HOMER2: variants seen among roughly 807,000 people sequenced by gnomAD.
HOMER2 encodes the protein homer scaffold protein 2, also known as homer protein homolog 2.
Under a neutral mutation model 47.0 loss-of-function variants are expected in HOMER2, and 27 were observed. That is an observed-to-expected ratio of 0.57 (90% confidence interval 0.42 to 0.79). The LOEUF is 0.79. Among genes scored for constraint, HOMER2 ranks in the 30% least tolerant of loss-of-function variants. The pLI is 0.00. For synonymous variants in HOMER2, 161 were observed against 163.8 expected, an observed-to-expected ratio of 0.98 and a Z score of 0.13; for missense variants, 443 against 435.0, an observed-to-expected ratio of 1.02 and a Z score of -0.16.
At chr15:82,889,948 C>G (rs1198006259) in intron 2 of HOMER2, among the ~76,000 whole-genome samples, 1 of 152,152 alleles carries the variant, frequency 6.6e-6, no homozygotes, top group Non-Finnish European at 1.5e-5. Context: ...TGAGGTCCAC[C>G]CTACTCCCCA....
intron 4 of HOMER2, among the ~76,000 whole-genome samples, chr15:82,862,921 G>C (rs571575199): frequency 6.6e-6 from 1 of 152,162 alleles, no homozygotes; most frequent in Admixed American, 6.5e-5. Context: ...TCCTCTCTGA[G>C]CACCGACATA....
At chr15:82,955,963 G>T (rs961394806), upstream of HOMER2, among the ~76,000 whole-genome samples, 7 of 152,172 alleles carry the variant, frequency 4.6e-5, no homozygotes, top group African/African-American at 1.4e-4. Flanking sequence ...CTGATGGCTG[G>T]GTGTGGTGGC....
intron 1 of HOMER2, among the ~76,000 whole-genome samples, chr15:82,919,742 G>C (rs2053680240): frequency 6.6e-6 from 1 of 152,196 alleles, no homozygotes; most frequent in African/African-American, 2.4e-5. Context: ...CAGGATTATA[G>C]TTCTTTCTGT....
intron 1 of HOMER2, among the ~76,000 whole-genome samples, chr15:82,901,271 CAAAGCTG>C (rs2053107272): frequency 6.6e-6 from 1 of 152,020 alleles, no homozygotes; most frequent in South Asian, 2.1e-4. Context: ...TGTGGAGAAG[CAAAGCTG>C]AGATGGAAAA....
At chr15:82,954,673 A>G (rs898212451), upstream of HOMER2, among the ~76,000 whole-genome samples, 14 of 152,102 alleles carry the variant, frequency 9.2e-5, no homozygotes, top group African/African-American at 3.1e-4. Flanking sequence ...ACTTCAGCAC[A>G]TACATACTAT....
chr15:82,964,946 C>A (rs1047130900), intron 1 of HOMER2, among the ~76,000 whole-genome samples: 2 of 152,166 alleles, frequency 1.3e-5, no homozygotes, highest in Non-Finnish European at 2.9e-5. Context: ...AAATAAGTTT[C>A]TTTATTCTTT....
At chr15:82,938,965 C>T (rs2054202198) in intron 1 of HOMER2, among the ~76,000 whole-genome samples, 1 of 152,212 alleles carries the variant, frequency 6.6e-6, no homozygotes, top group Non-Finnish European at 1.5e-5. Flanking sequence ...CTTTTCCTTC[C>T]CTCCAGTTGC....
rs374276789 is a variant in HOMER2 at position 82,841,405 on chromosome 15, CTAA to C, written c.*5866_*5868del. ...TTTAATAAAACCCCAACATCCATTA[CTAA>C]TAATATTTTCATCAAACTAGAAATA... is the stretch of plus-strand genomic sequence containing the variant. On this transcript the variant is annotated 3_prime_UTR_variant, in exon 2 of 2. Coordinates refer to the HOMER2 transcript ENST00000558090. 2.2e-4 allele frequency: 34 copies of C among 152,186 alleles called. 1 individual carries two copies. The South Asian group carries it at 6.0e-3, about 27-fold the overall frequency. The allele number at this position is 152,186 out of a possible 1,614,324, so 9.4% of individuals were successfully genotyped here.
rs531135121 is a variant in HOMER2, at chr15:82,912,116, A to G, written c.6-19275T>C. Among the ~76,000 whole-genome samples the G allele has an allele frequency of 2.6e-5, 4 of 152,326 alleles. No homozygotes were observed. In the South Asian group the frequency reaches 8.3e-4, roughly 32 times the overall value. ...TATTGAGATATAATGTGGACACCAT[A>G]AAATCTACCTTTTTAAAGTCCCCAA... On this transcript the variant is annotated intron_variant, in intron 1 of 8. Coordinates refer to ENST00000450735, the MANE Select transcript of HOMER2 (RefSeq NM_004839.4).
chr15:82,969,503 G>A (rs1002780208), intron 1 of HOMER2, among the ~76,000 whole-genome samples: 5 of 152,146 alleles, frequency 3.3e-5, no homozygotes, highest in African/African-American at 1.2e-4. Flanking sequence ...TGAGAAGCTG[G>A]GTTTGTCAGC....
At chr15:82,977,682 C>A (rs1313996086) in intron 1 of HOMER2, among the ~76,000 whole-genome samples, 1 of 152,102 alleles carries the variant, frequency 6.6e-6, no homozygotes, top group Non-Finnish European at 1.5e-5. Context: ...AGCACTTACA[C>A]TCTAGCAGGA....
intron 3 of HOMER2, among the ~76,000 whole-genome samples, chr15:82,870,016 G>C (rs893999193): frequency 6.6e-6 from 1 of 152,024 alleles, no homozygotes; most frequent in African/African-American, 2.4e-5. Context: ...CTTCATTAAG[G>C]TCATTTTTTG....
chr15:82,890,345 A>AAACAAC (rs888809853), intron 2 of HOMER2, among the ~76,000 whole-genome samples: 1 of 152,138 alleles, frequency 6.6e-6, no homozygotes, highest in Admixed American at 6.5e-5. Flanking sequence ...CTGTCTCAAA[A>AAACAAC]AACAACAACA....
chr15:82,907,540 AGAGAAAGG>A (rs982047694), intron 1 of HOMER2, among the ~76,000 whole-genome samples: 18 of 152,252 alleles, frequency 1.2e-4, no homozygotes, highest in Admixed American at 2.6e-4. Context: ...ACAGAAAGGG[AGAGAAAGG>A]GAGAAAGGGA....
At chr15:82,940,149 A>C (rs553217868) in intron 1 of HOMER2, among the ~76,000 whole-genome samples, 3 of 152,130 alleles carry the variant, frequency 2.0e-5, no homozygotes, top group Non-Finnish European at 4.4e-5. Flanking sequence ...GCACACCAAC[A>C]TGGCACATGT....
intron 1 of HOMER2, among the ~76,000 whole-genome samples, chr15:82,925,673 T>C (rs997059060): frequency 3.3e-5 from 5 of 152,140 alleles, no homozygotes; most frequent in African/African-American, 1.2e-4. Context: ...CTCTCAAATG[T>C]CACTTCCTCA....
intron 1 of HOMER2, among the ~76,000 whole-genome samples, chr15:82,944,837 G>A (rs2054340714): frequency 6.6e-6 from 1 of 152,024 alleles, no homozygotes; most frequent in Admixed American, 6.6e-5. Flanking sequence ...CTCACTGGGG[G>A]AATTCTCTTT....
At chr15:82,906,759 GAC>G (rs1031265626) in intron 1 of HOMER2, among the ~76,000 whole-genome samples, 41 of 152,122 alleles carry the variant, frequency 2.7e-4, no homozygotes, top group Admixed American at 1.3e-4. Context: ...TAAATATACA[GAC>G]ACATATAGAT....
chr15:82,940,085 G>A (rs530515732), intron 1 of HOMER2, among the ~76,000 whole-genome samples: 1 of 152,276 alleles, frequency 6.6e-6, no homozygotes, highest in East Asian at 1.9e-4. Context: ...GGGGAGTGGG[G>A]AGGGAATAGC....
Sources: gnomAD v4.1 joint callset for allele counts (sites outside exome capture counted in the v4.1 genomes callset) on GRCh38, gnomAD v4.1.1 for gene constraint, MANE v1.5 for transcripts, NCBI Gene and HGNC (gene_info 2026-07-23, HGNC 2026-07-21) for gene names.